Variants in TSKU observed in about 807,000 individuals in gnomAD.
TSKU encodes the protein tsukushi, small leucine rich proteoglycan, also known as tsukushi.
TSKU carries 4 observed loss-of-function variants against 11.2 expected under a neutral mutation model. That is an observed-to-expected ratio of 0.36 (90% CI 0.18 to 0.82). The LOEUF (loss-of-function observed/expected upper bound fraction) is 0.82. Among genes scored for constraint, TSKU ranks in the 40% least tolerant of loss-of-function variants. The probability of loss-of-function intolerance (pLI) is 0.50; values close to 1 mark genes in which losing one functional copy is unlikely to be tolerated. For missense variants in TSKU, 407 were observed against 482.5 expected (o/e 0.84, Z 1.47); for synonymous variants, 220 against 232.2 (o/e 0.95, Z 0.48).
intron 1 of TSKU, among the ~76,000 whole-genome samples, chr11:76,785,073 TTC>T (rs749918560): frequency 6.6e-5 from 10 of 152,184 alleles, no homozygotes; most frequent in Non-Finnish European, 1.5e-4. Flanking sequence ...ACCTGACCTA[TTC>T]CGAGGCACTA....
intron 1 of TSKU, among the ~76,000 whole-genome samples, chr11:76,794,376 G>A (rs1944414263): frequency 6.6e-6 from 1 of 152,230 alleles, no homozygotes; most frequent in Admixed American, 6.5e-5. Flanking sequence ...AGAGGGAACT[G>A]AGATCTGAGG....
chr11:76,787,537 G>T (rs947662954), intron 1 of TSKU, among the ~76,000 whole-genome samples: 1 of 152,136 alleles, frequency 6.6e-6, no homozygotes, highest in African/African-American at 2.4e-5. Context: ...TAGATATGAC[G>T]CCATCTAACC....
intron 1 of TSKU, among the ~76,000 whole-genome samples, chr11:76,793,280 C>T (rs1944398386): frequency 6.6e-6 from 1 of 152,260 alleles, no homozygotes; most frequent in African/African-American, 2.4e-5. Context: ...GTGATGACTG[C>T]CCTGTGCCTG....
chr11:76,788,705 G>T (rs1944335816), intron 1 of TSKU, among the ~76,000 whole-genome samples: 1 of 152,192 alleles, frequency 6.6e-6, no homozygotes, highest in South Asian at 2.1e-4. Flanking sequence ...CCCAAGGCTG[G>T]TAGGTACAGA....
At chr11:76,789,373 A>G (rs944767362) in intron 1 of TSKU, among the ~76,000 whole-genome samples, 2 of 152,216 alleles carry the variant, frequency 1.3e-5, no homozygotes, top group African/African-American at 4.8e-5. Context: ...GCAGAACCCA[A>G]GAGGTTTCTG....
chr11:76,795,880 C>A lies in TSKU; in HGVS notation c.264C>A (p.Gly88=), dbSNP rs148143515. The part of the protein sequence containing the change: ...LAGPGYTTLA[G]LDLSHNLLTS... ...GGCCGGGCTACACGACGTTGGCTGG[C>A]CTGGATCTCAGCCACAACCTGCTCA... Residue 88 remains glycine, a synonymous_variant, in exon 2 of 2, where the codon GGC becomes GGA. Coordinates refer to ENST00000333090, the MANE Select transcript of TSKU (RefSeq NM_015516.4). The A allele has an allele frequency of 2.0e-4, 324 of 1,613,848 alleles. No homozygotes were observed. The African/African-American group carries it at 3.8e-3, about 19-fold the overall frequency.
chr11:76,792,467 G>A (rs915284533), intron 1 of TSKU: 5 of 152,218 alleles, frequency 3.3e-5, no homozygotes, highest in African/African-American at 1.2e-4. Flanking sequence ...GAGAACATGA[G>A]ATTTGGGAGG....
At chr11:76,789,410 G>A (rs1590817725) in intron 1 of TSKU, among the ~76,000 whole-genome samples, 1 of 152,236 alleles carries the variant, frequency 6.6e-6, no homozygotes, top group African/African-American at 2.4e-5. Context: ...GGCCAAAGCT[G>A]TTTTAGAGGT....
At chr11:76,786,567 G>A (rs1944314524) in intron 1 of TSKU, among the ~76,000 whole-genome samples, 1 of 152,226 alleles carries the variant, frequency 6.6e-6, no homozygotes, top group Admixed American at 6.5e-5. Flanking sequence ...GTTGGGAAGT[G>A]CGTTCTGGTG....
intron 1 of TSKU, among the ~76,000 whole-genome samples, chr11:76,794,645 C>T (rs1039534495): frequency 6.6e-6 from 1 of 152,150 alleles, no homozygotes; most frequent in Non-Finnish European, 1.5e-5. Context: ...AAAGGAAGAA[C>T]CAAAGAGGTG....
intron 1 of TSKU, among the ~76,000 whole-genome samples, chr11:76,793,079 G>C (rs1440216356): frequency 3.9e-5 from 6 of 152,280 alleles, no homozygotes; most frequent in Non-Finnish European, 7.3e-5. Flanking sequence ...CCAGCCCCGG[G>C]CATAGGCCCG....
intron 1 of TSKU, among the ~76,000 whole-genome samples, chr11:76,789,139 G>A (rs1274739057): frequency 2.0e-5 from 3 of 152,232 alleles, no homozygotes; most frequent in Non-Finnish European, 4.4e-5. Flanking sequence ...TGATCCCCAA[G>A]GGGCCTTCCA....
intron 1 of TSKU, chr11:76,792,761 CG>C (rs1944389733): frequency 1.3e-5 from 2 of 153,044 alleles, no homozygotes; most frequent in Admixed American, 1.3e-4. Flanking sequence ...TCCACAGCCA[CG>C]TGGAATTGTA....
rs1565129403 is a variant in TSKU at position 76,796,143 on chromosome 11, C to G, written c.527C>G (p.Pro176Arg). 3.1e-6 allele frequency: 5 copies of G among 1,613,778 alleles called. No individual in the cohort carries two copies. Among genetic ancestry groups the G allele is most frequent in the Non-Finnish European group, 4.2e-6 (5 of 1,180,028 alleles). The change falls in exon 2 of 2, where the codon CCC (proline) becomes CGC (arginine). Residue 176 changes from proline to arginine, a missense_variant. Pro to Arg is a moderately radical substitution (Grantham distance 103). Coordinates refer to ENST00000333090, the MANE Select transcript of TSKU (RefSeq NM_015516.4). This position sits in a 1 kb window ranked among gnomAD's most constrained non-coding sequence, Gnocchi z 4.1. ...CTCATTCACCGCCTCGTGCCCCACC[C>G]CACGAGGGCCGGCCTGCCTGCGCCC... ...HNLIHRLVPH[P>R]TRAGLPAPTI...
intron 1 of TSKU, among the ~76,000 whole-genome samples, chr11:76,784,716 A>G (rs1304414505): frequency 2.4e-5 from 3 of 123,434 alleles, no homozygotes; most frequent in Non-Finnish European, 4.8e-5. Context: ...GGATAAGTCT[A>G]GACTTGCAGT....
At chr11:76,788,886 C>G (rs1307560231) in intron 1 of TSKU, among the ~76,000 whole-genome samples, 1 of 152,184 alleles carries the variant, frequency 6.6e-6, no homozygotes, top group Non-Finnish European at 1.5e-5. Context: ...CAGCAGGTAA[C>G]TCACGGCAGA....
upstream of TSKU, chr11:76,782,992 C>CA (rs899494788): frequency 6.6e-6 from 1 of 152,480 alleles, no homozygotes; most frequent in Admixed American, 6.5e-5. Flanking sequence ...TACACATACA[C>CA]AGGCACGTAC....
At chr11:76,792,259 T>C (rs1371588046) in intron 1 of TSKU, 2 of 152,256 alleles carry the variant, frequency 1.3e-5, no homozygotes, top group Non-Finnish European at 2.9e-5. Context: ...ATTTCTTCCA[T>C]GTGGAACAGC....
upstream of TSKU, chr11:76,782,887 C>G (rs1395083737): frequency 6.6e-6 from 1 of 152,138 alleles, no homozygotes; most frequent in South Asian, 2.1e-4. Flanking sequence ...GGGCGGTGAA[C>G]AAGCAAAGAG....
Sources: allele counts gnomAD v4.1 joint callset (sites outside exome capture counted in the v4.1 genomes callset), GRCh38; gene constraint gnomAD v4.1.1; non-coding constraint Gnocchi (gnomAD v3.1); transcripts MANE v1.5; gene names NCBI Gene and HGNC (gene_info 2026-07-23, HGNC 2026-07-21).